TENM2: variants seen among roughly 807,000 people sequenced by gnomAD.
TENM2 encodes teneurin transmembrane protein 2.
TENM2 carries 52 observed loss-of-function variants against 245.2 expected under a neutral mutation model. That is an observed-to-expected ratio of 0.21 (90% CI 0.17 to 0.27). The LOEUF (loss-of-function observed/expected upper bound fraction) is 0.27. TENM2 is among the 10% of genes least tolerant of loss of function. TENM2 has a pLI of 1.00. For missense variants in TENM2, 3,046 were observed against 3,666.8 expected (o/e 0.83, Z 4.37); for synonymous variants, 1,363 against 1,438.9 (o/e 0.95, Z 1.19).
intron 3 of TENM2, among the ~76,000 whole-genome samples, chr5:167,885,683 G>T (rs1440433809): frequency 2.6e-5 from 4 of 152,072 alleles, no homozygotes; most frequent in Non-Finnish European, 5.9e-5. Context: ...GGTGATTACT[G>T]GTTTTTTGTT....
chr5:167,974,588 G>A (rs1364412518), intron 4 of TENM2, among the ~76,000 whole-genome samples: 1 of 152,182 alleles, frequency 6.6e-6, no homozygotes, highest in Admixed American at 6.5e-5. Context: ...TGTGTGCTGA[G>A]CCACTCATTT....
At chr5:168,104,865 C>T (rs768885330) in intron 9 of TENM2, among the ~76,000 whole-genome samples, 48 of 152,154 alleles carry the variant, frequency 3.2e-4, no homozygotes, top group Non-Finnish European at 5.9e-4. Context: ...GGGGACAGAA[C>T]TTATTCGTAC....
intron 5 of TENM2, among the ~76,000 whole-genome samples, chr5:168,019,940 A>C (rs1374626193): frequency 1.3e-5 from 2 of 152,224 alleles, no homozygotes; most frequent in Non-Finnish European, 2.9e-5. Context: ...TAATTGCCTA[A>C]GAGCAAGGAA....
the TENM2 span, among the ~76,000 whole-genome samples, chr5:167,065,866 C>T: frequency 6.6e-6 from 1 of 152,184 alleles, no homozygotes; most frequent in South Asian, 2.1e-4. Flanking sequence ...ATAAACAGAG[C>T]ACCCTAAGCT....
At chr5:167,709,806 A>G (rs932637267) in intron 2 of TENM2, among the ~76,000 whole-genome samples, 2 of 152,170 alleles carry the variant, frequency 1.3e-5, no homozygotes, top group Admixed American at 1.3e-4. Context: ...ACCAAAAGCG[A>G]GAGTGAGAGT....
the TENM2 span, among the ~76,000 whole-genome samples, chr5:167,176,470 A>G: frequency 6.6e-6 from 1 of 152,184 alleles, no homozygotes; most frequent in Admixed American, 6.5e-5. Context: ...ACTCAAATGC[A>G]TATTATCTAG....
At chr5:167,120,469 C>T in the TENM2 span, among the ~76,000 whole-genome samples, 1 of 152,114 alleles carries the variant, frequency 6.6e-6, no homozygotes, top group African/African-American at 2.4e-5. Flanking sequence ...TGCTGTTCCT[C>T]AAAATGTTGG....
At chr5:167,033,299 CTG>C in the TENM2 span, among the ~76,000 whole-genome samples, 1 of 152,206 alleles carries the variant, frequency 6.6e-6, no homozygotes, top group Non-Finnish European at 1.5e-5. Context: ...ATCAATAAAA[CTG>C]AACTAATATA....
At chr5:167,121,069 C>T in the TENM2 span, among the ~76,000 whole-genome samples, 1 of 148,062 alleles carries the variant, frequency 6.8e-6, no homozygotes, top group Non-Finnish European at 1.5e-5. Flanking sequence ...CAAGATACTT[C>T]ATTAATTTCT....
chr5:167,414,375 G>C (rs1033442777), intron 2 of TENM2, among the ~76,000 whole-genome samples: 3 of 152,064 alleles, frequency 2.0e-5, no homozygotes, highest in South Asian at 2.1e-4. Flanking sequence ...CTTTACTGTA[G>C]AAGGATCTTT....
At chr5:167,623,745 G>A (rs1415249957) in intron 2 of TENM2, among the ~76,000 whole-genome samples, 4 of 152,160 alleles carry the variant, frequency 2.6e-5, no homozygotes, top group Non-Finnish European at 4.4e-5. Context: ...AATACTAGTG[G>A]AGATGCTGAT....
chr5:167,065,580 C>CAA, the TENM2 span, among the ~76,000 whole-genome samples: 4 of 152,100 alleles, frequency 2.6e-5, no homozygotes, highest in Non-Finnish European at 4.4e-5. Context: ...TAAAGAAATA[C>CAA]AAAGTCGTTA....
At position 167,343,617 on chromosome 5, in the gene TENM2, G is replaced by A. The variant is rs116640679; in HGVS notation, c.227-31581G>A. ...GTTCAAGAGAACAGAGCTATCTTCT[G>A]CAGTCTGCCCAGGTGTTAGGAAAAG... On this transcript the variant is annotated intron_variant, in intron 1 of 28. Coordinates refer to ENST00000518659, the Ensembl canonical transcript of TENM2. Among the ~76,000 whole-genome samples the A allele has an allele frequency of 9.6e-3, 1,458 of 152,274 alleles. 10 individuals are homozygous for A. Among genetic ancestry groups the A allele is most frequent in the Non-Finnish European group, 0.016 (1,067 of 68,016 alleles).
intron 10 of TENM2, among the ~76,000 whole-genome samples, chr5:168,122,989 C>T (rs1297437797): frequency 1.3e-5 from 2 of 152,062 alleles, no homozygotes; most frequent in Admixed American, 6.6e-5. Flanking sequence ...AGAGCCAATA[C>T]GTCATCAGTA....
the TENM2 span, among the ~76,000 whole-genome samples, chr5:167,046,372 A>G: frequency 1.3e-5 from 2 of 152,196 alleles, no homozygotes; most frequent in African/African-American, 4.8e-5. Context: ...AAATGGCACC[A>G]TTTTAAAGGT....
chr5:168,071,776 G>A (rs756102948), intron 7 of TENM2, among the ~76,000 whole-genome samples: 4 of 152,170 alleles, frequency 2.6e-5, no homozygotes, highest in Non-Finnish European at 4.4e-5. Context: ...ACATCAAGGT[G>A]TTATAATAAC....
chr5:168,080,333 T>G (rs937957244), intron 7 of TENM2, among the ~76,000 whole-genome samples: 2 of 152,212 alleles, frequency 1.3e-5, no homozygotes, highest in Middle Eastern at 3.2e-3. Flanking sequence ...TCTTCTTTAT[T>G]AGTCTTGCTA....
intron 14 of TENM2, among the ~76,000 whole-genome samples, chr5:168,191,480 A>G (rs996282307): frequency 7.9e-5 from 12 of 151,838 alleles, no homozygotes; most frequent in African/African-American, 2.9e-4. Flanking sequence ...GCGTGGTCTA[A>G]TTGGGGATGC....
At chr5:167,879,046 C>G (rs554800731) in intron 3 of TENM2, among the ~76,000 whole-genome samples, 3 of 152,170 alleles carry the variant, frequency 2.0e-5, no homozygotes, top group African/African-American at 4.8e-5. Flanking sequence ...TGAAGCCCAT[C>G]ATTAGGAGGG....
Sources: allele counts gnomAD v4.1 joint callset (sites outside exome capture counted in the v4.1 genomes callset), GRCh38; gene constraint gnomAD v4.1.1; transcripts MANE v1.5; gene names NCBI Gene and HGNC (gene_info 2026-07-23, HGNC 2026-07-21).